Variants in ERICH1 observed in about 807,000 individuals in gnomAD.
ERICH1 encodes the protein glutamate-rich protein 1.
In ERICH1, 56 loss-of-function variants were observed where a neutral mutation model predicts 39.6. The ratio of observed to expected loss-of-function variants is 1.41; its 90% CI spans 1.14 to 1.77. ERICH1 has a LOEUF of 1.77. Among genes scored for constraint, ERICH1 ranks in the 40% most tolerant of loss-of-function variants. The pLI is 0.00. For missense variants in ERICH1, 826 were observed against 575.4 expected, an observed-to-expected ratio of 1.44 and a Z score of -4.45; for synonymous variants, 313 against 223.6, an observed-to-expected ratio of 1.40 and a Z score of -3.57.
intron 1 of ERICH1, among the ~76,000 whole-genome samples, chr8:717,515 C>T (rs986339089): frequency 6.6e-6 from 1 of 152,212 alleles, no homozygotes; most frequent in Non-Finnish European, 1.5e-5. Flanking sequence ...CCAATGGTCA[C>T]ATTTCCTTCA....
chr8:614,906 G>A (rs1796839612), exon 4 of ERICH1: 1 of 251,524 alleles, frequency 4.0e-6, no homozygotes, highest in Non-Finnish European at 7.5e-6. Flanking sequence ...TCAGTTGCAT[G>A]ACACCAAGGA....
At position 664,539 on chromosome 8, in the gene ERICH1, A is replaced by G; in HGVS notation, c.*64T>C. 1 of 1,564,026 alleles carries G rather than the reference A, an allele frequency of 6.4e-7. No individual in the cohort carries two copies. The highest frequency in any genetic ancestry group is 8.6e-7 in the Non-Finnish European group (1 of 1,156,666). The stretch of plus-strand genomic sequence containing the variant: ...TTCCCAGAGAACTAACTCTAAGCCC[A>G]TCTCACATTTGTCTTTTAAGTTTTT... On this transcript the variant is annotated 3_prime_UTR_variant, in exon 6 of 6. Coordinates refer to ENST00000262109, the MANE Select transcript of ERICH1 (RefSeq NM_207332.3).
At chr8:683,122 C>T (rs540387589) in intron 3 of ERICH1, among the ~76,000 whole-genome samples, 10 of 152,282 alleles carry the variant, frequency 6.6e-5, no homozygotes, top group South Asian at 2.1e-4. Flanking sequence ...CGCGGACACT[C>T]CGGCCTGCTG....
At chr8:709,555 A>C (rs1382553041) in intron 2 of ERICH1, among the ~76,000 whole-genome samples, 1 of 152,210 alleles carries the variant, frequency 6.6e-6, no homozygotes, top group African/African-American at 2.4e-5. Context: ...GTCAACTCAC[A>C]TCAGTATTTT....
chr8:683,976 T>C (rs1237952664), intron 3 of ERICH1, among the ~76,000 whole-genome samples: 1 of 152,270 alleles, frequency 6.6e-6, no homozygotes, highest in Non-Finnish European at 1.5e-5. Context: ...GCTTGAATTA[T>C]ACATACTCAA....
chr8:661,172 G>A (rs1233631855), downstream of ERICH1, among the ~76,000 whole-genome samples: 3 of 152,250 alleles, frequency 2.0e-5, no homozygotes, highest in Admixed American at 6.5e-5. Flanking sequence ...TGGAGCGGGT[G>A]GAACACATTC....
chr8:711,353 G>A (rs1222266832), intron 2 of ERICH1, among the ~76,000 whole-genome samples: 1 of 152,102 alleles, frequency 6.6e-6, no homozygotes, highest in African/African-American at 2.4e-5. Context: ...TTATCAACTG[G>A]ACATCTACTT....
rs550169830 is a variant in ERICH1 at position 627,569 on chromosome 8, G to C, written c.977-12285C>G. Among the ~76,000 whole-genome samples, 8 of 152,366 alleles carry C rather than the reference G, an allele frequency of 5.3e-5. No homozygotes were observed. In the East Asian group the frequency reaches 7.7e-4, roughly 15 times the overall value. On this transcript the variant is annotated intron_variant, in intron 3 of 3. Coordinates refer to the ERICH1 transcript ENST00000522706. Reference sequence around the variant, plus strand: ...TGCCTTCCCAGAACCATGTGGCCAGGGGGTAAGAAGATGGCTCTCCAGCCG... The same window carrying C: ...TGCCTTCCCAGAACCATGTGGCCAGCGGGTAAGAAGATGGCTCTCCAGCCG...
intron 3 of ERICH1, among the ~76,000 whole-genome samples, chr8:641,738 CCT>C (rs1467503504): frequency 6.6e-6 from 1 of 152,206 alleles, no homozygotes; most frequent in African/African-American, 2.4e-5. Context: ...CCCGCCGATT[CCT>C]CTCCTGTCTG....
chr8:723,291 T>A (rs1817761777), intron 1 of ERICH1, among the ~76,000 whole-genome samples: 1 of 152,238 alleles, frequency 6.6e-6, no homozygotes, highest in Admixed American at 6.5e-5. Flanking sequence ...CTTTTCTTTA[T>A]AAATAACCCG....
chr8:628,332 C>T (rs563863564), intron 3 of ERICH1, among the ~76,000 whole-genome samples: 2 of 152,248 alleles, frequency 1.3e-5, no homozygotes, highest in Non-Finnish European at 2.9e-5. Flanking sequence ...TGTGGAAATA[C>T]TACTTTACTG....
At chr8:634,458 G>A (rs1798272687) in intron 3 of ERICH1, among the ~76,000 whole-genome samples, 1 of 152,194 alleles carries the variant, frequency 6.6e-6, no homozygotes, top group Non-Finnish European at 1.5e-5. Context: ...CCAGCAATTC[G>A]TCTCCTGGGC....
intron 5 of ERICH1, 63 bp from the exon 6 acceptor site, chr8:664,739 T>C (rs759579583): frequency 3.8e-5 from 54 of 1,402,722 alleles, no homozygotes; most frequent in Non-Finnish European, 5.1e-5. Flanking sequence ...TCATAAGTTA[T>C]TATTATGTAG....
chr8:635,908 C>CA (rs1778140748), intron 3 of ERICH1, among the ~76,000 whole-genome samples: 1 of 152,236 alleles, frequency 6.6e-6, no homozygotes, highest in Non-Finnish European at 1.5e-5. Flanking sequence ...ATTTAACTTG[C>CA]AAGCGGCTCT....
intron 3 of ERICH1, chr8:616,567 C>A (rs997932388): frequency 2.2e-6 from 1 of 455,738 alleles, no homozygotes; most frequent in Non-Finnish European, 4.4e-6. Flanking sequence ...AGCTGAAAAA[C>A]AGATCAAGTC....
chr8:650,680 G>C (rs67510848), intron 3 of ERICH1, among the ~76,000 whole-genome samples: 1 of 152,186 alleles, frequency 6.6e-6, no homozygotes, highest in African/African-American at 2.4e-5. Context: ...GGCGCAGGAC[G>C]CAAGTTCAGG....
At chr8:720,220 C>T (rs1285554431) in intron 1 of ERICH1, among the ~76,000 whole-genome samples, 1 of 152,188 alleles carries the variant, frequency 6.6e-6, no homozygotes, top group Non-Finnish European at 1.5e-5. Flanking sequence ...ATGCAGGCCG[C>T]GCAGACATAC....
chr8:626,710 GTCT>G, intron 3 of ERICH1: 1 of 173,402 alleles, frequency 5.8e-6, no homozygotes. Context: ...TCCAGCTGGC[GTCT>G]GTCTCTCATC....
At chr8:615,333 A>C in intron 3 of ERICH1, 1 of 632,654 alleles carries the variant, frequency 1.6e-6, no homozygotes, top group Middle Eastern at 2.5e-4. Flanking sequence ...ATTTTAATAC[A>C]ATGTTTATTG....
Sources: gnomAD v4.1 joint callset for allele counts (sites outside exome capture counted in the v4.1 genomes callset) on GRCh38, gnomAD v4.1.1 for gene constraint, MANE v1.5 for transcripts, NCBI Gene and HGNC (gene_info 2026-07-23, HGNC 2026-07-21) for gene names.